COIL: variants seen among roughly 807,000 people sequenced by gnomAD.
COIL encodes coilin.
Under a neutral mutation model 51.6 loss-of-function variants are expected in COIL, and 28 were observed. The ratio of observed to expected loss-of-function variants is 0.54; its 90% CI spans 0.40 to 0.74. The LOEUF is 0.74. COIL is among the 30% of genes least tolerant of loss of function. The pLI is 0.00. For missense variants in COIL, 667 were observed against 685.9 expected (o/e 0.97, Z 0.31); for synonymous variants, 233 against 255.8 (o/e 0.91, Z 0.85).
chr17:56,939,274 C>T, intron 6 of COIL, 120 bp from the exon 7 acceptor site: 1 of 650,408 alleles, frequency 1.5e-6, no homozygotes, highest in Non-Finnish European at 2.8e-6. Flanking sequence ...AATTTGGGTT[C>T]CAATAAACTG....
In COIL at chr17:56,960,878, G is replaced by C; in HGVS notation, c.142C>G (p.Arg48Gly). ...VTDLISLIRQ[R>G]FGFSSGAFLG... Reference sequence around the variant, plus strand: ...AAGGCCCCAGAACTGAAGCCGAAGCGCTGGCGGATGAGACTAATGAGATCT... The same window carrying C: ...AAGGCCCCAGAACTGAAGCCGAAGCCCTGGCGGATGAGACTAATGAGATCT... Residue 48 changes from arginine (R) to glycine (G), a missense_variant, in exon 1 of 7, where the codon CGC becomes GGC. Arg to Gly is a moderately radical substitution (Grantham distance 125). Coordinates refer to ENST00000240316, the MANE Select transcript of COIL (RefSeq NM_004645.3). The C allele has an allele frequency of 6.2e-7, 1 of 1,614,096 alleles. No homozygotes were observed. The highest frequency in any genetic ancestry group is 8.5e-7 in the Non-Finnish European group (1 of 1,179,970).
At chr17:56,955,859 T>C (rs1461358002) in intron 1 of COIL, among the ~76,000 whole-genome samples, 4 of 152,210 alleles carry the variant, frequency 2.6e-5, no homozygotes, top group African/African-American at 7.2e-5. Flanking sequence ...CCAATGAGTA[T>C]TTCTTCTAAG....
At chr17:56,945,544 T>C (rs1168293629) in intron 5 of COIL, among the ~76,000 whole-genome samples, 5 of 152,216 alleles carry the variant, frequency 3.3e-5, no homozygotes, top group Non-Finnish European at 7.3e-5. Context: ...TGAAAGTGTA[T>C]GTATACACAC....
rs755634558 is a variant in COIL at position 56,950,983 on chromosome 17, C to T, written c.259G>A (p.Glu87Lys). The change falls in exon 2 of 7, where the codon GAG becomes AAG. Residue 87 changes from glutamate (E) to lysine (K), a missense_variant. Transcript: ENST00000240316. ...ACAGAATTCTCAGCAACTCCTCTCT[C>T]TTCTAATTTAACTCTGTCAAAAGAA... is the stretch of plus-strand genomic sequence containing the variant. ...DNDCLRVKLEERGVAENSVVI... is the reference protein window; with the variant it reads ...DNDCLRVKLEKRGVAENSVVI... 3.7e-6 allele frequency: 6 copies of T among 1,601,046 alleles called. No individual in the cohort carries two copies. The African/African-American group carries it at 8.1e-5, about 22-fold the overall frequency.
chr17:56,945,541 G>A (rs1436218957), intron 5 of COIL, among the ~76,000 whole-genome samples: 1 of 152,104 alleles, frequency 6.6e-6, no homozygotes, highest in Non-Finnish European at 1.5e-5. Context: ...ATGTGAAAGT[G>A]TATGTATACA....
At chr17:56,949,349 A>T (rs1209973569) in intron 4 of COIL, 38 bp downstream of exon 4, 2 of 1,531,284 alleles carry the variant, frequency 1.3e-6, no homozygotes, top group Non-Finnish European at 1.8e-6. Context: ...TAGTTTTAAT[A>T]ATACACTGAC....
chr17:56,957,930 C>T (rs187076206), intron 1 of COIL, among the ~76,000 whole-genome samples: 11 of 152,304 alleles, frequency 7.2e-5, no homozygotes, highest in African/African-American at 2.6e-4. Context: ...GAGGAAACAG[C>T]AGTGGAACAC....
chr17:56,943,259 G>T (rs1381126659), intron 5 of COIL, among the ~76,000 whole-genome samples: 2 of 152,162 alleles, frequency 1.3e-5, no homozygotes, highest in Non-Finnish European at 2.9e-5. Context: ...ATAGCTCAAA[G>T]AATTTGTTTT....
At chr17:56,949,851 G>C in intron 2 of COIL, 38 bp downstream of exon 2, 3 of 1,610,636 alleles carry the variant, frequency 1.9e-6, no homozygotes, top group Non-Finnish European at 2.5e-6. Context: ...CATTCTAAGG[G>C]GAAAGGGAGG....
chr17:56,948,257 C>G (rs976994292), intron 4 of COIL, among the ~76,000 whole-genome samples: 1 of 151,212 alleles, frequency 6.6e-6, no homozygotes, highest in Non-Finnish European at 1.5e-5. Context: ...GCCTCAGCCT[C>G]CTGAGTAGCT....
chr17:56,952,578 A>C (rs1910394169), intron 1 of COIL, among the ~76,000 whole-genome samples: 3 of 152,316 alleles, frequency 2.0e-5, no homozygotes, highest in South Asian at 4.1e-4. Context: ...CCTGAATAGA[A>C]CAAAAAGACT....
chr17:56,959,992 C>T (rs1048881950), intron 1 of COIL, among the ~76,000 whole-genome samples: 1 of 151,530 alleles, frequency 6.6e-6, no homozygotes, highest in Non-Finnish European at 1.5e-5. Flanking sequence ...GGGAGGATCA[C>T]TTAACGTCAG....
intron 6 of COIL, among the ~76,000 whole-genome samples, chr17:56,940,875 G>C (rs8065205): frequency 0.41 from 61,973 of 151,910 alleles, 15,995 homozygotes; most frequent in African/African-American, 0.74. Context: ...TGGCTCACAC[G>C]TGTAATCCTA....
At chr17:56,949,066 G>A (rs1178930936) in intron 4 of COIL, among the ~76,000 whole-genome samples, 1 of 152,060 alleles carries the variant, frequency 6.6e-6, no homozygotes, top group African/African-American at 2.4e-5. Flanking sequence ...TTGAGCCAAG[G>A]AGTTTGAGAC....
At chr17:56,948,611 A>G (rs1567852293) in intron 4 of COIL, among the ~76,000 whole-genome samples, 1 of 151,882 alleles carries the variant, frequency 6.6e-6, no homozygotes, top group Non-Finnish European at 1.5e-5. Flanking sequence ...GCACTTTAAC[A>G]AGATTTTCAA....
chr17:56,952,290 G>T, intron 1 of COIL: 1 of 479,174 alleles, frequency 2.1e-6, no homozygotes. Context: ...AGAATAACCT[G>T]CTCCCATCCC....
intron 1 of COIL, among the ~76,000 whole-genome samples, chr17:56,957,626 AAAAT>A (rs1375461327): frequency 3.9e-5 from 6 of 152,210 alleles, no homozygotes; most frequent in East Asian, 1.9e-4. Context: ...TGTCTCAAGA[AAAAT>A]AAATAAATTA....
chr17:56,948,754 C>T (rs186075636), intron 4 of COIL, among the ~76,000 whole-genome samples: 6 of 149,614 alleles, frequency 4.0e-5, no homozygotes, highest in East Asian at 2.0e-4. Flanking sequence ...GTAAATTCCA[C>T]GGATAATATT....
In COIL at chr17:56,960,953, A is replaced by G. The variant is rs1279795630; in HGVS notation, c.67T>C (p.Cys23Arg). The change falls in exon 1 of 7, where the codon TGT becomes CGT. Residue 23 changes from cysteine to arginine, a missense_variant. Transcript: ENST00000240316. ...TCGACCAGAAGCCAGAAGGCCGTACAGTGCGGGGTAGCTGGCGGCGGGTAA... is the reference window on the plus strand; with the variant it reads ...TCGACCAGAAGCCAGAAGGCCGTACGGTGCGGGGTAGCTGGCGGCGGGTAA... Reference protein sequence around the residue: ...FDYPPPATPHCTAFWLLVDLN... With the variant: ...FDYPPPATPHRTAFWLLVDLN... 7 of 1,614,198 alleles carry G rather than the reference A, an allele frequency of 4.3e-6. No homozygotes were observed. Among genetic ancestry groups the G allele is most frequent in the Non-Finnish European group, 3.4e-6 (4 of 1,180,016 alleles).
Sources: gnomAD v4.1 joint callset for allele counts (sites outside exome capture counted in the v4.1 genomes callset) on GRCh38, gnomAD v4.1.1 for gene constraint, MANE v1.5 for transcripts, NCBI Gene and HGNC (gene_info 2026-07-23, HGNC 2026-07-21) for gene names.